The following CCDC13 variants were observed in gnomAD, a reference collection of about 807,000 sequenced individuals.
CCDC13 encodes coiled-coil domain containing 13, also known as coiled-coil domain-containing protein 13.
Under a neutral mutation model 87.3 loss-of-function variants are expected in CCDC13, and 70 were observed. The ratio of observed to expected loss-of-function variants is 0.80; its 90% CI spans 0.66 to 0.98. The LOEUF (loss-of-function observed/expected upper bound fraction) is 0.98, where lower values mean the gene tolerates loss of function less well. Among genes scored for constraint, CCDC13 ranks in the 50% least tolerant of loss-of-function variants. The pLI, the probability that CCDC13 is intolerant of heterozygous loss-of-function variation, is 0.00. For missense variants in CCDC13, 842 were observed against 892.0 expected, an observed-to-expected ratio of 0.94 and a Z score of 0.71; for synonymous variants, 317 against 360.3, an observed-to-expected ratio of 0.88 and a Z score of 1.36.
In CCDC13 at chr3:42,708,568, G is replaced by T. The variant is rs1031410042; in HGVS notation, c.*412C>A. 1.2e-5 allele frequency: 2 copies of T among 161,194 alleles called. No homozygotes were observed. Among genetic ancestry groups the T allele is most frequent in the African/African-American group, 4.8e-5 (2 of 41,536 alleles). 10.0% of individuals were successfully genotyped at this position (161,194 alleles called of 1,614,324 possible). On this transcript the variant is annotated 3_prime_UTR_variant, in exon 16 of 16. Coordinates refer to ENST00000310232, the MANE Select transcript of CCDC13 (RefSeq NM_144719.4). ...TAGGGCAGGGCTGAGTGGCATGGGG[G>T]ATATGCCCACTTAGGGTAACCAAGG... is the stretch of plus-strand genomic sequence containing the variant.
intron 11 of CCDC13, 40 bp from the exon 12 acceptor site, chr3:42,733,010 A>T: frequency 6.6e-7 from 1 of 1,517,468 alleles, no homozygotes; most frequent in Non-Finnish European, 8.9e-7. Context: ...CTGGGAAGGC[A>T]GACCAGGCCC....
chr3:42,752,779 C>T (rs995296610), intron 3 of CCDC13, 62 bp from the exon 4 acceptor site: 43 of 1,580,860 alleles, frequency 2.7e-5, no homozygotes, highest in Non-Finnish European at 3.1e-5. Context: ...AACTCATGCT[C>T]CACCACTAAC....
intron 1 of CCDC13, among the ~76,000 whole-genome samples, chr3:42,760,438 G>A (rs1699806788): frequency 6.6e-6 from 1 of 152,154 alleles, no homozygotes; most frequent in Non-Finnish European, 1.5e-5. Context: ...CCAAAATGGA[G>A]AAACCCCATC....
chr3:42,720,406 G>A (rs1251752957), intron 13 of CCDC13, among the ~76,000 whole-genome samples: 4 of 152,138 alleles, frequency 2.6e-5, no homozygotes, highest in African/African-American at 7.2e-5. Flanking sequence ...GAAGTTAGAC[G>A]CTGGAAAGAG....
chr3:42,726,944 C>T lies in CCDC13; in HGVS notation c.1718+3523G>A, dbSNP rs1311533676. Among the ~76,000 whole-genome samples the T allele has an allele frequency of 3.3e-5, 5 of 152,060 alleles. No homozygotes were observed. In the East Asian group the frequency reaches 9.6e-4, roughly 29 times the overall value. ...TGACAATAAAACTGATAGCAGATTT[C>T]TTTTTAGCAATAGTAGATGATAAAA... On this transcript the variant is annotated intron_variant, in intron 13 of 15. Transcript: ENST00000310232.
At chr3:42,750,168 C>CT (rs1308430156) in intron 5 of CCDC13, among the ~76,000 whole-genome samples, 1 of 152,172 alleles carries the variant, frequency 6.6e-6, no homozygotes, top group Non-Finnish European at 1.5e-5. Context: ...TTCACCCCAG[C>CT]TTTTTTGGCT....
intron 14 of CCDC13, among the ~76,000 whole-genome samples, chr3:42,711,913 T>G (rs368691651): frequency 1.3e-5 from 2 of 152,100 alleles, no homozygotes; most frequent in African/African-American, 4.8e-5. Flanking sequence ...CTCTCCCTGG[T>G]TGGAAGTCCT....
At chr3:42,733,309 G>A (rs148396929) in intron 11 of CCDC13, among the ~76,000 whole-genome samples, 161 bp downstream of exon 11, 16 of 152,338 alleles carry the variant, frequency 1.1e-4, no homozygotes, top group African/African-American at 2.4e-4. Flanking sequence ...TTCTGCAGAC[G>A]CAGAGCTAAT....
chr3:42,734,407 C>T (rs1698934505), intron 10 of CCDC13, among the ~76,000 whole-genome samples: 1 of 152,174 alleles, frequency 6.6e-6, no homozygotes, highest in African/African-American at 2.4e-5. Flanking sequence ...CTTCAGACTT[C>T]CCTCCCCAGT....
intron 1 of CCDC13, among the ~76,000 whole-genome samples, chr3:42,770,284 C>T (rs185159118): frequency 1.3e-5 from 2 of 152,352 alleles, no homozygotes; most frequent in Non-Finnish European, 2.9e-5. Context: ...CACTCTGTAT[C>T]TAGCTAATCT....
At chr3:42,742,812 C>T in intron 8 of CCDC13, 84 bp downstream of exon 8, 1 of 1,538,624 alleles carries the variant, frequency 6.5e-7, no homozygotes, top group Non-Finnish European at 8.9e-7. Context: ...AGACTTCTGA[C>T]CACATGTGCC....
intron 8 of CCDC13, among the ~76,000 whole-genome samples, chr3:42,741,507 C>T (rs1430475711): frequency 6.6e-6 from 1 of 152,174 alleles, no homozygotes; most frequent in Non-Finnish European, 1.5e-5. Context: ...GAGGCCGAGG[C>T]AGGTGGATCA....
At chr3:42,755,404 C>T (rs1394156897) in intron 3 of CCDC13, among the ~76,000 whole-genome samples, 1 of 152,048 alleles carries the variant, frequency 6.6e-6, no homozygotes, top group Non-Finnish European at 1.5e-5. Flanking sequence ...GTCAGCAGTT[C>T]GAGACCAGAC....
chr3:42,771,466 G>A (rs1169820974), intron 1 of CCDC13, among the ~76,000 whole-genome samples: 1 of 152,168 alleles, frequency 6.6e-6, no homozygotes, highest in Non-Finnish European at 1.5e-5. Context: ...CTTAAGCAAT[G>A]AACACTGGCC....
rs115636919 is a variant in CCDC13 at position 42,718,431 on chromosome 3, C to T, written c.1719-5115G>A. Among the ~76,000 whole-genome samples, 803 of 152,324 alleles carry T rather than the reference C, an allele frequency of 5.3e-3. 9 individuals are homozygous for T. Among genetic ancestry groups the T allele is most frequent in the African/African-American group, 0.018 (750 of 41,566 alleles). On this transcript the variant is annotated intron_variant, in intron 13 of 15. Transcript: ENST00000310232. ...AACCATAAAAACGGGCAACCAGCAG[C>T]CCTGGGGACTGCTGTGTCTGTGGAG...
At chr3:42,758,459 G>A in intron 1 of CCDC13, 108 bp from the exon 2 acceptor site, 2 of 1,034,414 alleles carry the variant, frequency 1.9e-6, no homozygotes, top group Non-Finnish European at 2.8e-6. Flanking sequence ...GCTTCGCGTT[G>A]CATGTATGTC....
chr3:42,724,231 C>T (rs186938634), intron 13 of CCDC13, among the ~76,000 whole-genome samples: 1 of 152,306 alleles, frequency 6.6e-6, no homozygotes, highest in East Asian at 1.9e-4. Context: ...GATTTCTCTC[C>T]TTCTCCCCTA....
At chr3:42,729,870 G>A (rs1475204368) in intron 13 of CCDC13, among the ~76,000 whole-genome samples, 1 of 152,234 alleles carries the variant, frequency 6.6e-6, no homozygotes, top group Non-Finnish European at 1.5e-5. Flanking sequence ...TTTTCAGTGT[G>A]GAGGTCACAT....
At chr3:42,714,561 C>T (rs1698387926) in intron 13 of CCDC13, among the ~76,000 whole-genome samples, 1 of 152,166 alleles carries the variant, frequency 6.6e-6, no homozygotes, top group Non-Finnish European at 1.5e-5. Context: ...GCTAGGTGTG[C>T]CATTTCAGAC....
Sources: allele counts gnomAD v4.1 joint callset (sites outside exome capture counted in the v4.1 genomes callset), GRCh38; gene constraint gnomAD v4.1.1; transcripts MANE v1.5; gene names NCBI Gene and HGNC (gene_info 2026-07-23, HGNC 2026-07-21).